The following PCCB variants were observed in gnomAD, a reference collection of about 807,000 sequenced individuals.
PCCB encodes the protein propionyl-CoA carboxylase subunit beta.
A neutral mutation model predicts 60.7 loss-of-function variants in PCCB; 43 were observed. That is an observed-to-expected ratio of 0.71 (90% CI 0.55 to 0.91). The LOEUF (loss-of-function observed/expected upper bound fraction) is 0.91. Among genes scored for constraint, PCCB ranks in the 40% least tolerant of loss-of-function variants. PCCB has a pLI of 0.00. For missense variants in PCCB, 766 were observed against 702.8 expected, an observed-to-expected ratio of 1.09 and a Z score of -1.02; for synonymous variants, 276 against 255.9, an observed-to-expected ratio of 1.08 and a Z score of -0.75.
chr3:136,299,993 T>C (rs984926963), intron 8 of PCCB, among the ~76,000 whole-genome samples: 22 of 151,912 alleles, frequency 1.4e-4, no homozygotes, highest in South Asian at 4.1e-4. Context: ...CATGTGTATA[T>C]ATGCATACCC....
intron 9 of PCCB, among the ~76,000 whole-genome samples, chr3:136,311,509 T>C (rs1292710111): frequency 2.0e-5 from 3 of 151,402 alleles, no homozygotes; most frequent in Non-Finnish European, 4.4e-5. Context: ...CCTGATTTAA[T>C]ATTTTTTTTT....
chr3:136,327,803 C>A, intron 13 of PCCB, 71 bp downstream of exon 13: 1 of 1,264,726 alleles, frequency 7.9e-7, no homozygotes, highest in Non-Finnish European at 1.2e-6. Flanking sequence ...CAAGGCATAG[C>A]TGGGAAATGT....
intron 5 of PCCB, among the ~76,000 whole-genome samples, chr3:136,279,313 C>T (rs1417934751): frequency 6.6e-6 from 1 of 152,146 alleles, no homozygotes; most frequent in Non-Finnish European, 1.5e-5. Flanking sequence ...GAAGGATTTA[C>T]TTCTGCCATT....
chr3:136,319,225 A>G (rs866580633), intron 10 of PCCB, among the ~76,000 whole-genome samples: 3 of 152,054 alleles, frequency 2.0e-5, no homozygotes, highest in African/African-American at 7.2e-5. Flanking sequence ...AAAAATGTCT[A>G]TTCAAGTCCT....
intron 6 of PCCB, among the ~76,000 whole-genome samples, chr3:136,288,591 C>A (rs1576330601): frequency 1.3e-5 from 2 of 151,576 alleles, no homozygotes; most frequent in Admixed American, 1.3e-4. Context: ...CTCAAGCAAT[C>A]GTCCTCCCTC....
At chr3:136,268,095 T>TATATATATAC (rs1942071854) in intron 5 of PCCB, among the ~76,000 whole-genome samples, 16 of 92,248 alleles carry the variant, frequency 1.7e-4, no homozygotes, top group African/African-American at 7.7e-4. Context: ...TAGATATATA[T>TATATATATAC]ATATATATAT....
intron 7 of PCCB, among the ~76,000 whole-genome samples, chr3:136,297,162 T>A (rs1042280738): frequency 6.6e-6 from 1 of 152,044 alleles, no homozygotes; most frequent in African/African-American, 2.4e-5. Context: ...TGGGGAGCAT[T>A]GCAGGCAGAG....
At chr3:136,312,613 G>T (rs555385922) in intron 9 of PCCB, among the ~76,000 whole-genome samples, 1 of 152,196 alleles carries the variant, frequency 6.6e-6, no homozygotes, top group South Asian at 2.1e-4. Flanking sequence ...AACTACAAAT[G>T]GGTCAGAAAA....
chr3:136,315,389 G>C (rs774719804), intron 9 of PCCB, among the ~76,000 whole-genome samples: 6 of 152,010 alleles, frequency 3.9e-5, no homozygotes, highest in Non-Finnish European at 8.8e-5. Context: ...AAATTAGCTG[G>C]GCATGGTGGT....
Position 136,326,828 on chromosome 3 carries a change from G to A in PCCB, c.1116G>A (p.Val372=). Residue 372 remains valine (V), a synonymous_variant, in exon 11 of 15, where the codon GTG becomes GTA. Coordinates refer to ENST00000251654, the MANE Select transcript of PCCB (RefSeq NM_000532.5). The part of the protein sequence containing the change: ...ASGCLDINSS[V]KGARFVRFCD... Reference sequence around the variant, plus strand: ...GATGCTTGGATATTAATTCATCTGTGAAAGGGGCTCGTTTTGTCAGATTCT... The same window carrying A: ...GATGCTTGGATATTAATTCATCTGTAAAAGGGGCTCGTTTTGTCAGATTCT... 6.2e-7 allele frequency: 1 copy of A among 1,610,782 alleles called. No individual in the cohort carries two copies. The highest frequency in any genetic ancestry group is 8.5e-7 in the Non-Finnish European group (1 of 1,176,966).
chr3:136,264,719 C>A (rs1483874306), intron 5 of PCCB, among the ~76,000 whole-genome samples: 1 of 146,644 alleles, frequency 6.8e-6, no homozygotes, highest in African/African-American at 2.5e-5. Flanking sequence ...TAAAAAAAAA[C>A]AAAAAATTAG....
At chr3:136,254,518 C>CTT (rs3994953) in intron 1 of PCCB, among the ~76,000 whole-genome samples, 1,965 of 45,890 alleles carry the variant, frequency 0.043, 350 homozygotes, top group African/African-American at 0.14. Flanking sequence ...CTGCGGCTAG[C>CTT]TTTTTTTTTT....
At chr3:136,292,200 T>G (rs553639898) in intron 6 of PCCB, among the ~76,000 whole-genome samples, 7 of 152,144 alleles carry the variant, frequency 4.6e-5, no homozygotes, top group Admixed American at 6.5e-5. Flanking sequence ...TAGCTTCTTA[T>G]GTGCTGGACT....
intron 6 of PCCB, among the ~76,000 whole-genome samples, chr3:136,286,106 A>C (rs1395187014): frequency 6.6e-6 from 1 of 152,248 alleles, no homozygotes; most frequent in East Asian, 1.9e-4. Flanking sequence ...TTGTAGGTAA[A>C]TGGACAGAAA....
chr3:136,250,483 C>A lies in PCCB; in HGVS notation c.108C>A (p.Asn36Lys), dbSNP rs1264842754. 3 of 1,612,498 alleles carry A rather than the reference C, an allele frequency of 1.9e-6. No homozygotes were observed. The African/African-American group carries it at 4.0e-5, about 21-fold the overall frequency. ...TTTGCAGCCAGGCCACCTCTGTTAA[C>A]GAACGCATCGAAAACAAGCGCCGGA... ...RSLCSQATSV[N>K]ERIENKRRTA... Residue 36 changes from asparagine to lysine, a missense_variant, in exon 1 of 15, where the codon AAC becomes AAA. By Grantham distance (94) the Asn-to-Lys change is moderately conservative. Transcript: ENST00000251654.
At chr3:136,271,480 C>G (rs926265479) in intron 5 of PCCB, among the ~76,000 whole-genome samples, 1 of 152,106 alleles carries the variant, frequency 6.6e-6, no homozygotes, top group Admixed American at 6.6e-5. Flanking sequence ...TGATTCTTAC[C>G]TCCATGAGCA....
chr3:136,268,100 A>ATATATATATATG (rs1560002487), intron 5 of PCCB, among the ~76,000 whole-genome samples: 7 of 63,614 alleles, frequency 1.1e-4, no homozygotes, highest in African/African-American at 3.1e-4. Context: ...ATATATATAT[A>ATATATATATATG]TATATATATA....
intron 6 of PCCB, among the ~76,000 whole-genome samples, chr3:136,285,997 C>G (rs973254923): frequency 2.0e-5 from 3 of 152,056 alleles, no homozygotes; most frequent in Non-Finnish European, 2.9e-5. Context: ...GAAGAAACAC[C>G]ATGCAAGAAT....
At chr3:136,252,248 C>T (rs1688978999) in intron 1 of PCCB, 1 of 455,378 alleles carries the variant, frequency 2.2e-6, no homozygotes, top group African/African-American at 2.0e-5. Flanking sequence ...ATTAGTGGGT[C>T]AAAGGGTGTA....
Sources: gnomAD v4.1 joint callset for allele counts (sites outside exome capture counted in the v4.1 genomes callset) on GRCh38, gnomAD v4.1.1 for gene constraint, MANE v1.5 for transcripts, NCBI Gene and HGNC (gene_info 2026-07-23, HGNC 2026-07-21) for gene names.